The following ST6GALNAC3 variants were observed in gnomAD, a reference collection of about 807,000 sequenced individuals.
ST6GALNAC3 encodes the protein ST6 N-acetylgalactosaminide alpha-2,6-sialyltransferase 3, also known as alpha-N-acetylgalactosaminide alpha-2,6-sialyltransferase 3.
Under a neutral mutation model 32.7 loss-of-function variants are expected in ST6GALNAC3, and 25 were observed. The observed-to-expected ratio is 0.76, with a 90% CI of 0.56 to 1.07. The LOEUF is 1.07. ST6GALNAC3 is among the 50% of genes least tolerant of loss of function. The pLI, the probability that ST6GALNAC3 is intolerant of heterozygous loss-of-function variation, is 0.00. For missense variants in ST6GALNAC3, 355 were observed against 382.4 expected, an observed-to-expected ratio of 0.93 and a Z score of 0.60; for synonymous variants, 129 against 133.1, an observed-to-expected ratio of 0.97 and a Z score of 0.21.
intron 1 of ST6GALNAC3, among the ~76,000 whole-genome samples, chr1:76,206,635 G>A (rs185423457): frequency 5.9e-4 from 90 of 152,160 alleles, no homozygotes; most frequent in African/African-American, 1.8e-3. Context: ...GGCTGAGGCA[G>A]GAGAATCGCT....
intron 3 of ST6GALNAC3, among the ~76,000 whole-genome samples, chr1:76,552,010 G>T (rs914473937): frequency 6.6e-6 from 1 of 152,208 alleles, no homozygotes; most frequent in South Asian, 2.1e-4. Context: ...TGCAGGTGGG[G>T]GAGGTCAATG....
rs554884045 is a variant in ST6GALNAC3 at position 76,077,679 on chromosome 1, C to T, written c.18+2795C>T. Among the ~76,000 whole-genome samples the T allele has an allele frequency of 2.0e-3, 311 of 152,224 alleles. 1 individual carries two copies. Among genetic ancestry groups the T allele is most frequent in the African/African-American group, 7.2e-3 (301 of 41,518 alleles). ...GAGATTTATTTTGGTGTTGACTCTC[C>T]ATCTTTGATCATAAGAATGTTCTCC... is the stretch of plus-strand genomic sequence containing the variant. On this transcript the variant is annotated intron_variant, in intron 1 of 4. Coordinates refer to ENST00000328299, the MANE Select transcript of ST6GALNAC3 (RefSeq NM_152996.4).
In ST6GALNAC3 at chr1:76,405,447, A is replaced by C. The variant is rs79954289; in HGVS notation, c.214-6561A>C. 2.2e-4 allele frequency among the ~76,000 whole-genome samples: 34 copies of C among 152,196 alleles called. No individual in the cohort carries two copies. In the East Asian group the frequency reaches 6.2e-3, roughly 28 times the overall value. On this transcript the variant is annotated intron_variant, in intron 2 of 4. Transcript: ENST00000328299. Reference sequence around the variant, plus strand: ...TGTAAAGTGCTTGGCACTTGTCCCAATATATCACTCAGAAAGGATAGGGCA... The same window carrying C: ...TGTAAAGTGCTTGGCACTTGTCCCACTATATCACTCAGAAAGGATAGGGCA...
At chr1:76,201,881 A>C (rs1378884944) in intron 1 of ST6GALNAC3, among the ~76,000 whole-genome samples, 9 of 152,142 alleles carry the variant, frequency 5.9e-5, no homozygotes, top group African/African-American at 2.2e-4. Context: ...GTTTATAATT[A>C]CTAAGAACCC....
At chr1:76,170,844 A>G (rs1005063258) in intron 1 of ST6GALNAC3, among the ~76,000 whole-genome samples, 9 of 152,204 alleles carry the variant, frequency 5.9e-5, no homozygotes, top group Non-Finnish European at 1.2e-4. Flanking sequence ...AGTGTGGTGC[A>G]ATCTGGAAAG....
At chr1:76,336,200 A>G (rs893159400) in intron 2 of ST6GALNAC3, among the ~76,000 whole-genome samples, 4 of 152,210 alleles carry the variant, frequency 2.6e-5, no homozygotes, top group Non-Finnish European at 5.9e-5. Context: ...TTGCATTTAC[A>G]TGAGGAAAGC....
intron 3 of ST6GALNAC3, among the ~76,000 whole-genome samples, chr1:76,536,366 G>C (rs2101835247): frequency 6.6e-6 from 1 of 152,146 alleles, no homozygotes; most frequent in Middle Eastern, 3.4e-3. Context: ...CAGCATGGCT[G>C]GGGAGGCCTC....
At position 76,156,800 on chromosome 1, in the gene ST6GALNAC3, T is replaced by C. The variant is rs372528522; in HGVS notation, c.18+81916T>C. On this transcript the variant is annotated intron_variant, in intron 1 of 4. Transcript: ENST00000328299. ...AGGCTGGAGTACAGTGGCGCGATCT[T>C]GGCTCACTGCAAGCTCCGCCTCCCG... is the stretch of plus-strand genomic sequence containing the variant. Among the ~76,000 whole-genome samples, 692 of 152,280 alleles carry C rather than the reference T, an allele frequency of 4.5e-3. 5 individuals are homozygous for C. The highest frequency in any genetic ancestry group is 0.011 in the African/African-American group (452 of 41,566).
intron 2 of ST6GALNAC3, among the ~76,000 whole-genome samples, chr1:76,379,209 A>G (rs1651509369): frequency 6.6e-6 from 1 of 152,084 alleles, no homozygotes; most frequent in Non-Finnish European, 1.5e-5. Context: ...AATGTTTTAT[A>G]TTTCCTAGTT....
intron 1 of ST6GALNAC3, among the ~76,000 whole-genome samples, chr1:76,097,297 A>G (rs1647150934): frequency 6.6e-6 from 1 of 152,150 alleles, no homozygotes; most frequent in Non-Finnish European, 1.5e-5. Context: ...TGAAGTTCCT[A>G]TAATCCCCAT....
At chr1:76,445,445 A>G (rs967131954) in intron 3 of ST6GALNAC3, among the ~76,000 whole-genome samples, 6 of 152,182 alleles carry the variant, frequency 3.9e-5, no homozygotes, top group African/African-American at 1.4e-4. Context: ...TCCTATTAAC[A>G]AATACATCAT....
chr1:76,107,541 G>A (rs1423961841), intron 1 of ST6GALNAC3, among the ~76,000 whole-genome samples: 1 of 152,114 alleles, frequency 6.6e-6, no homozygotes, highest in Non-Finnish European at 1.5e-5. Context: ...AAATATTCTT[G>A]TATGTGGTAT....
chr1:76,396,169 G>C (rs1652939460), intron 2 of ST6GALNAC3, among the ~76,000 whole-genome samples: 2 of 152,104 alleles, frequency 1.3e-5, no homozygotes, highest in Admixed American at 6.6e-5. Flanking sequence ...AAGTAACTTT[G>C]AAATGACCAA....
chr1:76,155,053 G>C (rs945510703), intron 1 of ST6GALNAC3, among the ~76,000 whole-genome samples: 6 of 152,100 alleles, frequency 3.9e-5, no homozygotes, highest in Admixed American at 3.9e-4. Flanking sequence ...TGGAGGATGT[G>C]TGTATGTGAG....
chr1:76,195,698 C>A (rs1272788749), intron 1 of ST6GALNAC3, among the ~76,000 whole-genome samples: 1 of 152,220 alleles, frequency 6.6e-6, no homozygotes, highest in Non-Finnish European at 1.5e-5. Flanking sequence ...AGTATTCTCA[C>A]AAAGACAGTT....
chr1:76,562,834 T>C (rs952195669), intron 3 of ST6GALNAC3, among the ~76,000 whole-genome samples: 1 of 152,202 alleles, frequency 6.6e-6, no homozygotes, highest in African/African-American at 2.4e-5. Flanking sequence ...CAAGTTAGAA[T>C]TTTTGAAAAT....
At chr1:76,274,794 G>A (rs1659042254) in intron 1 of ST6GALNAC3, among the ~76,000 whole-genome samples, 1 of 152,168 alleles carries the variant, frequency 6.6e-6, no homozygotes, top group Admixed American at 6.5e-5. Context: ...ACAAACTTAT[G>A]TGATTTAACA....
chr1:76,336,075 A>G (rs1647448147), intron 2 of ST6GALNAC3, among the ~76,000 whole-genome samples: 1 of 152,148 alleles, frequency 6.6e-6, no homozygotes, highest in Admixed American at 6.5e-5. Context: ...AGCCTTTCTG[A>G]TGGGAGCCAA....
intron 3 of ST6GALNAC3, among the ~76,000 whole-genome samples, chr1:76,591,996 C>T (rs896591451): frequency 6.6e-6 from 1 of 152,144 alleles, no homozygotes; most frequent in Non-Finnish European, 1.5e-5. Context: ...GGTCAACCTG[C>T]AGAGAAGTGG....
Sources: gnomAD v4.1 joint callset for allele counts (sites outside exome capture counted in the v4.1 genomes callset) on GRCh38, gnomAD v4.1.1 for gene constraint, MANE v1.5 for transcripts, NCBI Gene and HGNC (gene_info 2026-07-23, HGNC 2026-07-21) for gene names.